Variants in RAB3IP observed in about 807,000 individuals in gnomAD.
RAB3IP encodes the protein RAB3A interacting protein.
Under a neutral mutation model 59.1 loss-of-function variants are expected in RAB3IP, and 36 were observed. The observed-to-expected ratio is 0.61, with a 90% CI of 0.47 to 0.80. The LOEUF is 0.80. Ranked by LOEUF, RAB3IP falls within the 30% of genes least tolerant of loss-of-function variation. The probability of loss-of-function intolerance (pLI) is 0.00; values close to 1 mark genes in which losing one functional copy is unlikely to be tolerated. For missense variants in RAB3IP, 511 were observed against 536.0 expected (o/e 0.95, Z 0.46); for synonymous variants, 207 against 191.2 (o/e 1.08, Z -0.68).
chr12:69,739,586 G>A, intron 1 of RAB3IP: 3 of 571,254 alleles, frequency 5.3e-6, no homozygotes, highest in South Asian at 4.0e-5. Context: ...GTGCTGAGGC[G>A]TAGAGGTCAC....
chr12:69,761,448 G>C (rs967592133), intron 3 of RAB3IP, among the ~76,000 whole-genome samples: 1 of 152,060 alleles, frequency 6.6e-6, no homozygotes, highest in African/African-American at 2.4e-5. Flanking sequence ...TATTTTTTCA[G>C]AGTTTTAGTT....
At chr12:69,785,765 C>G (rs368660449) in intron 4 of RAB3IP, among the ~76,000 whole-genome samples, 2 of 152,124 alleles carry the variant, frequency 1.3e-5, no homozygotes, top group Non-Finnish European at 2.9e-5. Context: ...ATTCGAGCAC[C>G]CTTTGATTCA....
intron 3 of RAB3IP, among the ~76,000 whole-genome samples, chr12:69,768,949 C>A (rs978187550): frequency 6.6e-6 from 1 of 152,070 alleles, no homozygotes; most frequent in Admixed American, 6.5e-5. Flanking sequence ...CTTGAATTCC[C>A]ATGTGTTGTG....
chr12:69,751,425 T>C (rs1449104676), intron 1 of RAB3IP, among the ~76,000 whole-genome samples: 1 of 152,168 alleles, frequency 6.6e-6, no homozygotes, highest in Non-Finnish European at 1.5e-5. Context: ...TCTGAGTACA[T>C]GGGTGCGCAT....
At chr12:69,752,298 C>T (rs1869455279) in intron 1 of RAB3IP, among the ~76,000 whole-genome samples, 1 of 150,074 alleles carries the variant, frequency 6.7e-6, no homozygotes, top group South Asian at 2.1e-4. Context: ...GCCACTGAAC[C>T]TAGCCTTTCC....
At chr12:69,769,055 G>T (rs150890346) in intron 3 of RAB3IP, among the ~76,000 whole-genome samples, 2 of 151,946 alleles carry the variant, frequency 1.3e-5, no homozygotes, top group East Asian at 1.9e-4. Flanking sequence ...ATGGTTTTAT[G>T]GGGGGTAGTT....
rs566496223 is a variant in RAB3IP at position 69,767,197 on chromosome 12, G to A, written c.510+10534G>A. Among the ~76,000 whole-genome samples, 6 of 151,818 alleles carry A rather than the reference G, an allele frequency of 4.0e-5. No individual in the cohort carries two copies. In the South Asian group the frequency reaches 1.2e-3, roughly 32 times the overall value. Reference sequence around the variant, plus strand: ...TTTCCTTTCTTTTCCTCCCTATTGGGGTGTGACTGTAGAGAATTCTGGGTA... The same window carrying A: ...TTTCCTTTCTTTTCCTCCCTATTGGAGTGTGACTGTAGAGAATTCTGGGTA... On this transcript the variant is annotated intron_variant, in intron 3 of 10. Transcript: ENST00000247833.
At chr12:69,760,530 G>C (rs1871150389) in intron 3 of RAB3IP, among the ~76,000 whole-genome samples, 1 of 152,222 alleles carries the variant, frequency 6.6e-6, no homozygotes, top group South Asian at 2.1e-4. Flanking sequence ...TGTGGATCCA[G>C]ATTTCCAACT....
intron 3 of RAB3IP, among the ~76,000 whole-genome samples, chr12:69,779,526 T>G (rs1874273162): frequency 6.6e-6 from 1 of 151,820 alleles, no homozygotes; most frequent in African/African-American, 2.4e-5. Flanking sequence ...TTGTAAGCTT[T>G]CTTCATTCCT....
chr12:69,752,472 T>C (rs1239455068), intron 1 of RAB3IP, among the ~76,000 whole-genome samples: 1 of 152,132 alleles, frequency 6.6e-6, no homozygotes, highest in East Asian at 1.9e-4. Context: ...CAGTGCTTCA[T>C]TATGAGGATG....
chr12:69,803,460 A>C (rs982757747), intron 8 of RAB3IP, among the ~76,000 whole-genome samples: 1 of 152,088 alleles, frequency 6.6e-6, no homozygotes, highest in Non-Finnish European at 1.5e-5. Context: ...CTCTTCTTGA[A>C]GGAAGAGAGA....
At chr12:69,782,600 G>A (rs894579012) in intron 3 of RAB3IP, among the ~76,000 whole-genome samples, 8 of 152,138 alleles carry the variant, frequency 5.3e-5, no homozygotes, top group African/African-American at 9.7e-5. Context: ...TAATTGGGTC[G>A]TTCTTTTCTC....
At chr12:69,748,136 G>C (rs1479711562) in intron 1 of RAB3IP, among the ~76,000 whole-genome samples, 1 of 150,298 alleles carries the variant, frequency 6.7e-6, no homozygotes, top group Non-Finnish European at 1.5e-5. Flanking sequence ...GTCCAAATTA[G>C]GGGAATGTGC....
At chr12:69,758,693 A>G (rs1002871995) in intron 3 of RAB3IP, among the ~76,000 whole-genome samples, 14 of 151,510 alleles carry the variant, frequency 9.2e-5, no homozygotes, top group African/African-American at 3.4e-4. Flanking sequence ...AAATAATAAC[A>G]AAGAATCTTT....
intron 3 of RAB3IP, among the ~76,000 whole-genome samples, chr12:69,783,583 T>C (rs1000667992): frequency 2.0e-5 from 3 of 152,240 alleles, no homozygotes; most frequent in Non-Finnish European, 4.4e-5. Flanking sequence ...CTTTGCTGCC[T>C]ATAGGACTGA....
At chr12:69,768,342 A>T (rs940049873) in intron 3 of RAB3IP, among the ~76,000 whole-genome samples, 3 of 152,140 alleles carry the variant, frequency 2.0e-5, no homozygotes, top group Non-Finnish European at 4.4e-5. Flanking sequence ...CTGCCTGGAT[A>T]TGGAGTGGAG....
At chr12:69,761,525 C>T (rs1871305233) in intron 3 of RAB3IP, among the ~76,000 whole-genome samples, 1 of 152,138 alleles carries the variant, frequency 6.6e-6, no homozygotes, top group African/African-American at 2.4e-5. Context: ...GTTCTACTTA[C>T]TCATTTATAT....
chr12:69,795,006 T>G, intron 5 of RAB3IP, 135 bp from the exon 6 acceptor site: 1 of 688,004 alleles, frequency 1.5e-6, no homozygotes, highest in Non-Finnish European at 2.4e-6. Context: ...TTTAGTTTCT[T>G]TTTATTACTC....
At chr12:69,793,600 G>A (rs1009865893) in intron 4 of RAB3IP, among the ~76,000 whole-genome samples, 1 of 151,738 alleles carries the variant, frequency 6.6e-6, no homozygotes, top group Non-Finnish European at 1.5e-5. Context: ...CTATACAAGG[G>A]CATAATCTTT....
Sources: gnomAD v4.1 joint callset for allele counts (sites outside exome capture counted in the v4.1 genomes callset) on GRCh38, gnomAD v4.1.1 for gene constraint, MANE v1.5 for transcripts, NCBI Gene and HGNC (gene_info 2026-07-23, HGNC 2026-07-21) for gene names.